STARD13: variants seen among roughly 807,000 people sequenced by gnomAD.
STARD13 encodes the protein StAR related lipid transfer domain containing 13.
In STARD13, 62 loss-of-function variants were observed where a neutral mutation model predicts 106.4. The observed-to-expected ratio is 0.58, with a 90% CI of 0.48 to 0.72. The LOEUF (loss-of-function observed/expected upper bound fraction) is 0.72, where lower values mean the gene tolerates loss of function less well. STARD13 is among the 30% of genes least tolerant of loss of function. The pLI is 0.00. For missense variants in STARD13, 1,387 were observed against 1,424.0 expected (o/e 0.97, Z 0.42); for synonymous variants, 565 against 553.0 (o/e 1.02, Z -0.31).
At chr13:33,175,807 A>G (rs529919974) in intron 1 of STARD13, among the ~76,000 whole-genome samples, 2 of 152,220 alleles carry the variant, frequency 1.3e-5, no homozygotes, top group African/African-American at 4.8e-5. Flanking sequence ...TGTTAAAAAA[A>G]TGCGTGTTTT....
At chr13:33,526,866 A>G in the STARD13 span, among the ~76,000 whole-genome samples, 441 of 152,248 alleles carry the variant, frequency 2.9e-3, 1 homozygote, top group African/African-American at 1.0e-2. Context: ...GATAGAGAAC[A>G]GGAAGACAAT....
At chr13:33,555,206 C>T in the STARD13 span, among the ~76,000 whole-genome samples, 1 of 152,202 alleles carries the variant, frequency 6.6e-6, no homozygotes, top group African/African-American at 2.4e-5. Context: ...TCAATCCATT[C>T]CTCTTTTTCA....
the STARD13 span, among the ~76,000 whole-genome samples, chr13:33,637,604 G>A: frequency 6.6e-6 from 1 of 152,188 alleles, no homozygotes. Context: ...ACCAATCTGT[G>A]TTGCAGACCA....
chr13:33,146,986 G>A (rs9591537), intron 3 of STARD13, among the ~76,000 whole-genome samples: 2,047 of 152,266 alleles, frequency 0.013, 47 homozygotes, highest in African/African-American at 0.042. Context: ...CGTTACCAAA[G>A]AATTGTCATT....
At chr13:33,625,156 TCA>T in the STARD13 span, among the ~76,000 whole-genome samples, 1 of 151,988 alleles carries the variant, frequency 6.6e-6, no homozygotes, top group African/African-American at 2.4e-5. Context: ...AGGGGTAGGG[TCA>T]CAGACATTTT....
At chr13:33,421,998 G>A in the STARD13 span, among the ~76,000 whole-genome samples, 1 of 151,110 alleles carries the variant, frequency 6.6e-6, no homozygotes, top group Admixed American at 6.6e-5. Flanking sequence ...CATACTGAAT[G>A]GGAAAAAACT....
chr13:33,255,570 C>G (rs983346203), intron 1 of STARD13, among the ~76,000 whole-genome samples: 6 of 152,018 alleles, frequency 3.9e-5, no homozygotes, highest in Non-Finnish European at 7.4e-5. Context: ...AGTTTTTTCA[C>G]AGAGATGATT....
At chr13:33,424,476 C>A in the STARD13 span, among the ~76,000 whole-genome samples, 2 of 152,136 alleles carry the variant, frequency 1.3e-5, no homozygotes, top group African/African-American at 4.8e-5. Flanking sequence ...TTGCCCTCTG[C>A]TTTGTAGTTA....
Position 33,111,807 on chromosome 13 carries a change from T to C in STARD13, c.2578A>G (p.Met860Val), listed in dbSNP as rs1167375207. 15 of 1,614,142 alleles carry C rather than the reference T, an allele frequency of 9.3e-6. No individual in the cohort carries two copies. Among genetic ancestry groups the C allele is most frequent in the Non-Finnish European group, 1.3e-5 (15 of 1,179,966 alleles). ...NLAAAQGLAHMIMECDRLFEV... is the reference protein window; with the variant it reads ...NLAAAQGLAHVIMECDRLFEV... ...AAAAGTCTGTCGCATTCCATGATCATGTGCGCTAGCCCCTGAGCTGCTGCC... is the reference window on the plus strand; with the variant it reads ...AAAAGTCTGTCGCATTCCATGATCACGTGCGCTAGCCCCTGAGCTGCTGCC... Residue 860 changes from methionine to valine, a missense_variant, in exon 10 of 14, where the codon ATG (methionine) becomes GTG (valine). Coordinates refer to ENST00000336934, the MANE Select transcript of STARD13 (RefSeq NM_178006.4).
the STARD13 span, among the ~76,000 whole-genome samples, chr13:33,654,995 G>T: frequency 6.6e-6 from 1 of 152,126 alleles, no homozygotes; most frequent in South Asian, 2.1e-4. Context: ...TGCTAGTCCC[G>T]TCCCTCACCC....
the STARD13 span, among the ~76,000 whole-genome samples, chr13:33,373,529 G>A: frequency 6.6e-6 from 1 of 152,024 alleles, no homozygotes; most frequent in Non-Finnish European, 1.5e-5. Flanking sequence ...CAATATGGTA[G>A]GAAATATTTG....
At chr13:33,175,698 T>A (rs1256010810) in intron 1 of STARD13, among the ~76,000 whole-genome samples, 1 of 152,230 alleles carries the variant, frequency 6.6e-6, no homozygotes, top group African/African-American at 2.4e-5. Flanking sequence ...GAAGAGCAAC[T>A]GCTTTGGACA....
the STARD13 span, among the ~76,000 whole-genome samples, chr13:33,598,665 A>C: frequency 6.6e-6 from 1 of 152,252 alleles, no homozygotes; most frequent in Non-Finnish European, 1.5e-5. Flanking sequence ...ATGAGTGAAG[A>C]CATCTTCATA....
At chr13:33,551,568 C>CTTTTTTTTTTTTTTTTTTTTTTTTTTT in the STARD13 span, among the ~76,000 whole-genome samples, 23 of 44,786 alleles carry the variant, frequency 5.1e-4, 11 homozygotes, top group South Asian at 1.9e-3. Flanking sequence ...TTTGCTTTTC[C>CTTTTTTTTTTTTTTTTTTTTTTTTTTT]CTTTTTTTTT....
chr13:33,573,162 A>G, the STARD13 span, among the ~76,000 whole-genome samples: 3 of 152,150 alleles, frequency 2.0e-5, no homozygotes, highest in African/African-American at 7.2e-5. Context: ...GCCCCAGACA[A>G]CTACGGAGAT....
intron 1 of STARD13, among the ~76,000 whole-genome samples, chr13:33,172,232 T>TA (rs760689193): frequency 1.5e-4 from 23 of 152,138 alleles, no homozygotes; most frequent in Middle Eastern, 3.4e-3. Context: ...ATCTTATTTG[T>TA]AAAAAAAATG....
the STARD13 span, among the ~76,000 whole-genome samples, chr13:33,525,315 G>A: frequency 6.6e-6 from 1 of 152,012 alleles, no homozygotes. Context: ...GAGTCACCCT[G>A]CCTGCCTCCA....
At chr13:33,190,965 G>A (rs1207682722) in intron 1 of STARD13, among the ~76,000 whole-genome samples, 1 of 151,994 alleles carries the variant, frequency 6.6e-6, no homozygotes, top group Non-Finnish European at 1.5e-5. Flanking sequence ...CAAAATATCA[G>A]CTTTCAAAAA....
the STARD13 span, among the ~76,000 whole-genome samples, chr13:33,541,347 T>C: frequency 6.6e-6 from 1 of 152,198 alleles, no homozygotes; most frequent in African/African-American, 2.4e-5. Context: ...CTTTCACGTG[T>C]TTTCTAGTAT....
Sources: gnomAD v4.1 joint callset for allele counts (sites outside exome capture counted in the v4.1 genomes callset) on GRCh38, gnomAD v4.1.1 for gene constraint, MANE v1.5 for transcripts, NCBI Gene and HGNC (gene_info 2026-07-23, HGNC 2026-07-21) for gene names.